The following MAP1S variants were observed in gnomAD, a reference collection of about 807,000 sequenced individuals.
The protein encoded by MAP1S is microtubule-associated protein 1S.
Under a neutral mutation model 60.9 loss-of-function variants are expected in MAP1S, and 27 were observed. The ratio of observed to expected loss-of-function variants is 0.44; its 90% CI spans 0.33 to 0.61. The LOEUF (loss-of-function observed/expected upper bound fraction) is 0.61. Among genes scored for constraint, MAP1S ranks in the 20% least tolerant of loss-of-function variants. MAP1S has a pLI of 0.03. For synonymous variants in MAP1S, 826 were observed against 694.2 expected (o/e 1.19, Z -2.98); for missense variants, 1,608 against 1,486.6 (o/e 1.08, Z -1.34).
At position 17,728,203 on chromosome 19, in the gene MAP1S, G is replaced by T. The variant is rs772705730; in HGVS notation, c.2788+31G>T. On this transcript the variant is annotated intron_variant, in intron 5 of 6. Coordinates refer to ENST00000324096, the MANE Select transcript of MAP1S (RefSeq NM_018174.6). ...TACTGGAGCTGGGGCCCTGGGCTGG[G>T]TTAGCAGCTGCTTAGGCTGGAGAGC... 2.0e-6 allele frequency: 3 copies of T among 1,532,942 alleles called. No individual in the cohort carries two copies. In the African/African-American group the frequency reaches 4.2e-5, roughly 21 times the overall value. 95.0% of individuals were successfully genotyped at this position (1,532,942 alleles called of 1,614,324 possible). A position where few individuals can be genotyped will look rare whatever the true frequency, so the allele number is the denominator to read the frequency against.
At position 17,727,589 on chromosome 19, in the gene MAP1S, G is replaced by A; in HGVS notation, c.2205G>A (p.Val735=). Residue 735 remains valine, a synonymous_variant, in exon 5 of 7, where the codon GTG becomes GTA. Transcript: ENST00000324096. This position sits in a 1 kb window ranked among gnomAD's most constrained non-coding sequence, Gnocchi z 4.1. ...GGCGCTCGGCTTCCCCACACGATGTGGACCTGTGCCTGGTGTCACCCTGTG... is the reference window on the plus strand; with the variant it reads ...GGCGCTCGGCTTCCCCACACGATGTAGACCTGTGCCTGGTGTCACCCTGTG... ...RARRSASPHD[V]DLCLVSPCEF... The A allele has an allele frequency of 6.2e-7, 1 of 1,607,384 alleles. No individual in the cohort carries two copies.
In MAP1S at chr19:17,733,366, G is replaced by A; in HGVS notation, c.2962G>A (p.Gly988Ser). 3 of 1,611,662 alleles carry A rather than the reference G, an allele frequency of 1.9e-6. No individual in the cohort carries two copies. The highest frequency in any genetic ancestry group is 1.7e-6 in the Non-Finnish European group (2 of 1,179,428). Reference protein sequence around the residue: ...ISGQDQRKEEGMRAVLDALLA... With the variant: ...ISGQDQRKEESMRAVLDALLA... ...TGGCCAGGACCAGCGCAAGGAGGAA[G>A]GCATGCGGGCCGTCCTGGACGCGCT... Residue 988 changes from glycine (G) to serine (S), a missense_variant, in exon 6 of 7, where the codon GGC becomes AGC. Gly to Ser is a moderately conservative substitution (Grantham distance 56). Around this residue, in one of 4 missense-constraint regions of MAP1S, gnomAD observed 76 missense variants for 110.1 expected, o/e 0.69. Transcript: ENST00000324096.
chr19:17,731,969 C>T (rs1341031460), intron 5 of MAP1S, among the ~76,000 whole-genome samples: 4 of 152,228 alleles, frequency 2.6e-5, no homozygotes, highest in Non-Finnish European at 5.9e-5. Context: ...ACCCCCAGGC[C>T]TGATTTTTTA....
intron 5 of MAP1S, chr19:17,732,887 G>A (rs938228991): frequency 5.2e-6 from 2 of 388,194 alleles, no homozygotes; most frequent in Non-Finnish European, 9.2e-6. Context: ...TTTGTAGAGT[G>A]AGTGAAGAGT....
chr19:17,720,808 G>A (rs2080363727), intron 1 of MAP1S, 128 bp from the exon 2 acceptor site: 1 of 762,152 alleles, frequency 1.3e-6, no homozygotes, highest in Non-Finnish European at 2.3e-6. Context: ...GGGTACTTCT[G>A]AGTCTCCAAG....
Position 17,726,679 on chromosome 19 carries a change from TC to T in MAP1S, c.1299del (p.Gly434ValfsTer18). Reference sequence around the variant, plus strand: ...GGCGAGAAGGTGGTGCGCGTGCTGTTCCCCGGTTGCACCCCGCCCGCCTGCC... The same window carrying T: ...GGCGAGAAGGTGGTGCGCGTGCTGTTCCCGGTTGCACCCCGCCCGCCTGCC... The part of the protein sequence containing the change: ...GPGEKVVRVL[F>X]PGCTPPACLL... On this transcript the variant is annotated frameshift_variant, in exon 5 of 7. Transcript: ENST00000324096. LOFTEE classifies it high-confidence loss of function. The T allele has an allele frequency of 6.3e-7, 1 of 1,583,506 alleles. No individual in the cohort carries two copies. Among genetic ancestry groups the T allele is most frequent in the Non-Finnish European group, 8.6e-7 (1 of 1,168,988 alleles).
chr19:17,734,267 C>T lies in MAP1S; in HGVS notation c.3025-6C>T. On this transcript the variant is annotated splice_polypyrimidine_tract_variant and splice_region_variant and intron_variant, in intron 6 of 6. Coordinates refer to ENST00000324096, the MANE Select transcript of MAP1S (RefSeq NM_018174.6). ...CTCTCCCCACACACCCCCCCTCCAC[C>T]TGCAGGTGACCCTGATCCCCACTTT... 2 of 1,609,736 alleles carry T rather than the reference C, an allele frequency of 1.2e-6. No individual in the cohort carries two copies. Among genetic ancestry groups the T allele is most frequent in the Non-Finnish European group, 1.7e-6 (2 of 1,176,826 alleles).
At position 17,727,139 on chromosome 19, in the gene MAP1S, C is replaced by T. The variant is rs995019992; in HGVS notation, c.1755C>T (p.Ser585=). ...PVANGPRSPP[S]LRCGEASPPS... ...CAAATGGACCCCGCAGCCCGCCCAGCCTCCGATGTGGAGAAGCCAGCCCCC... is the reference window on the plus strand; with the variant it reads ...CAAATGGACCCCGCAGCCCGCCCAGTCTCCGATGTGGAGAAGCCAGCCCCC... The change falls in exon 5 of 7, where the codon AGC becomes AGT. Residue 585 remains serine (S), a synonymous_variant. Transcript: ENST00000324096. The surrounding 1 kb of genome is among the most constrained non-coding windows in gnomAD (Gnocchi z 4.1). 5 of 1,591,786 alleles carry T rather than the reference C, an allele frequency of 3.1e-6. No homozygotes were observed. The highest frequency in any genetic ancestry group is 2.6e-6 in the Non-Finnish European group (3 of 1,172,196).
At position 17,727,332 on chromosome 19, in the gene MAP1S, G is replaced by A. The variant is rs2145976586; in HGVS notation, c.1948G>A (p.Gly650Ser). 1 of 1,589,532 alleles carries A rather than the reference G, an allele frequency of 6.3e-7. No homozygotes were observed. The highest frequency in any genetic ancestry group is 1.3e-5 in the African/African-American group (1 of 74,556). The change falls in exon 5 of 7, where the codon GGC becomes AGC. Residue 650 changes from glycine (G) to serine (S), a missense_variant. Transcript: ENST00000324096. The surrounding 1 kb of genome is among the most constrained non-coding windows in gnomAD (Gnocchi z 4.1). The part of the protein sequence containing the change: ...SPESHRSPAE[G>S]SERLSLSPLR... ...TGAGTCCCACCGGAGCCCCGCAGAG[G>A]GCAGCGAGCGGCTGTCGCTGAGCCC...
intron 2 of MAP1S, among the ~76,000 whole-genome samples, chr19:17,721,905 A>G (rs1475376061): frequency 6.6e-6 from 1 of 152,166 alleles, no homozygotes; most frequent in East Asian, 1.9e-4. Context: ...GCAGGCGGGC[A>G]GGCAGGGCTT....
In MAP1S at chr19:17,725,875, T is replaced by C; in HGVS notation, c.491T>C (p.Ile164Thr). 1.9e-6 allele frequency: 3 copies of C among 1,613,602 alleles called. No individual in the cohort carries two copies. Among genetic ancestry groups the C allele is most frequent in the Non-Finnish European group, 2.5e-6 (3 of 1,179,980 alleles). The part of the protein sequence containing the change: ...ATTPPPVQPP[I>T]LTITCPTFGD... Reference sequence around the variant, plus strand: ...ACGCCCCCACCTGTGCAGCCGCCCATACTCACCATCACCTGCCCCACCTTC... The same window carrying C: ...ACGCCCCCACCTGTGCAGCCGCCCACACTCACCATCACCTGCCCCACCTTC... The change falls in exon 5 of 7, where the codon ATA (isoleucine) becomes ACA (threonine). Residue 164 changes from isoleucine (I) to threonine (T), a missense_variant. Around this residue, in one of 4 missense-constraint regions of MAP1S, gnomAD observed 320 missense variants for 393.1 expected, o/e 0.81. Transcript: ENST00000324096. The surrounding 1 kb of genome is among the most constrained non-coding windows in gnomAD (Gnocchi z 4.2).
Position 17,725,211 on chromosome 19 carries a change from C to T in MAP1S, c.444+22C>T, listed in dbSNP as rs368401692. 6 of 1,590,896 alleles carry T rather than the reference C, an allele frequency of 3.8e-6. No individual in the cohort carries two copies. The highest frequency in any genetic ancestry group is 5.1e-6 in the Non-Finnish European group (6 of 1,168,664). On this transcript the variant is annotated intron_variant, in intron 4 of 6. Coordinates refer to ENST00000324096, the MANE Select transcript of MAP1S (RefSeq NM_018174.6). This position sits in a 1 kb window ranked among gnomAD's most constrained non-coding sequence, Gnocchi z 4.2. The stretch of plus-strand genomic sequence containing the variant: ...AGAGGTAAGCCACCCCTTTGCCATC[C>T]CCTGCTTCCCCAGCTCTGAATCCTG...
rs1568292159 is a variant in MAP1S, at chr19:17,726,420, T to G, written c.1036T>G (p.Ser346Ala). ...VVFFNACEAA[S>A]RLARGEDEAE... ...GTTCTTCAACGCCTGCGAGGCCGCG[T>G]CGCGGCTGGCGCGCGGCGAGGATGA... is the stretch of plus-strand genomic sequence containing the variant. Residue 346 changes from serine to alanine, a missense_variant, in exon 5 of 7, where the codon TCG (serine) becomes GCG (alanine). Around this residue, in one of 4 missense-constraint regions of MAP1S, gnomAD observed 1,167 missense variants for 961.4 expected, o/e 1.21. Coordinates refer to ENST00000324096, the MANE Select transcript of MAP1S (RefSeq NM_018174.6). The G allele has an allele frequency of 6.4e-7, 1 of 1,570,246 alleles. No individual in the cohort carries two copies.
intron 5 of MAP1S, among the ~76,000 whole-genome samples, chr19:17,732,828 C>G (rs2080503412): frequency 6.6e-6 from 1 of 152,166 alleles, no homozygotes; most frequent in South Asian, 2.1e-4. Context: ...TGTCCAGGGA[C>G]TGGCTGGGGA....
Position 17,727,229 on chromosome 19 carries a change from G to A in MAP1S, c.1845G>A (p.Pro615=). Residue 615 remains proline, a synonymous_variant, in exon 5 of 7, where the codon CCG becomes CCA. Coordinates refer to ENST00000324096, the MANE Select transcript of MAP1S (RefSeq NM_018174.6). This position sits in a 1 kb window ranked among gnomAD's most constrained non-coding sequence, Gnocchi z 4.1. ...CCACGCCCAGCCTGGAGCTGGGGCC[G>A]ATCCCAGCCGGGGAGGAGAAGGCAC... ...LVATPSLELG[P]IPAGEEKALE... The A allele has an allele frequency of 6.4e-7, 1 of 1,566,014 alleles. No individual in the cohort carries two copies. The highest frequency in any genetic ancestry group is 8.6e-7 in the Non-Finnish European group (1 of 1,160,784).
rs1173331214 is a variant in MAP1S, at chr19:17,719,521, T to A, written c.19T>A (p.Ser7Thr). 17 of 1,245,152 alleles carry A rather than the reference T, an allele frequency of 1.4e-5. No individual in the cohort carries two copies. Among genetic ancestry groups the A allele is most frequent in the Admixed American group, 4.2e-5 (1 of 23,620 alleles). The allele number at this position is 1,245,152 out of a possible 1,614,324, so 77.1% of individuals were successfully genotyped here. Residue 7 changes from serine to threonine, a missense_variant, in exon 1 of 7, where the codon TCT becomes ACT. Physicochemically the swap from Ser to Thr is moderately conservative, Grantham distance 58 (BLOSUM62 1). Around this residue, in one of 4 missense-constraint regions of MAP1S, gnomAD observed 45 missense variants for 22.0 expected, o/e 2.04. Coordinates refer to ENST00000324096, the MANE Select transcript of MAP1S (RefSeq NM_018174.6). Reference protein sequence around the residue: MAAVAGSGAAAAPSSLL... With the variant: MAAVAGTGAAAAPSSLL... ...CCCGAAGATGGCGGCGGTGGCTGGA[T>A]CTGGGGCTGCCGCGGCTCCGAGCTC...
Position 17,727,628 on chromosome 19 carries a change from CA to C in MAP1S, c.2246del (p.Lys749ArgfsTer261). ...LVSPCEFEHRKAVPMAPAPAS... is the reference protein window; with the variant it reads ...LVSPCEFEHRXAVPMAPAPAS... ...TGTCACCCTGTGAATTTGAGCATCGCAAGGCGGTGCCAATGGCACCGGCACC... is the reference window on the plus strand; with the variant it reads ...TGTCACCCTGTGAATTTGAGCATCGCAGGCGGTGCCAATGGCACCGGCACC... On this transcript the variant is annotated frameshift_variant, in exon 5 of 7. Coordinates refer to ENST00000324096, the MANE Select transcript of MAP1S (RefSeq NM_018174.6). LOFTEE classifies it high-confidence loss of function. The surrounding 1 kb of genome is among the most constrained non-coding windows in gnomAD (Gnocchi z 4.1). 6.2e-7 allele frequency: 1 copy of C among 1,608,010 alleles called. No individual in the cohort carries two copies. Among genetic ancestry groups the C allele is most frequent in the Non-Finnish European group, 8.5e-7 (1 of 1,179,750 alleles).
Position 17,727,368 on chromosome 19 carries a change from G to C in MAP1S, c.1984G>C (p.Gly662Arg). 4.4e-6 allele frequency: 7 copies of C among 1,588,208 alleles called. No homozygotes were observed. The highest frequency in any genetic ancestry group is 6.0e-6 in the Non-Finnish European group (7 of 1,169,680). The change falls in exon 5 of 7, where the codon GGG becomes CGG. Residue 662 changes from glycine (G) to arginine (R), a missense_variant. By Grantham distance (125) the Gly-to-Arg change is moderately radical. Coordinates refer to ENST00000324096, the MANE Select transcript of MAP1S (RefSeq NM_018174.6). This position sits in a 1 kb window ranked among gnomAD's most constrained non-coding sequence, Gnocchi z 4.1. ...GCTGTCGCTGAGCCCACTGCGGGGC[G>C]GGGAGGCCGGGCCAGACGCCTCACC... is the stretch of plus-strand genomic sequence containing the variant. ...ERLSLSPLRG[G>R]EAGPDASPTV...
In MAP1S at chr19:17,726,447, G is replaced by A; in HGVS notation, c.1063G>A (p.Ala355Thr). 1 of 1,554,472 alleles carries A rather than the reference G, an allele frequency of 6.4e-7. No individual in the cohort carries two copies. Among genetic ancestry groups the A allele is most frequent in the Non-Finnish European group, 8.6e-7 (1 of 1,156,490 alleles). ...ASRLARGEDEAELALSLLAQL... is the reference protein window; with the variant it reads ...ASRLARGEDETELALSLLAQL... ...GCGGCTGGCGCGCGGCGAGGATGAG[G>A]CGGAGCTGGCGCTGAGCCTCCTGGC... The change falls in exon 5 of 7, where the codon GCG (alanine) becomes ACG (threonine). Residue 355 changes from alanine (A) to threonine (T), a missense_variant. This residue lies in a region of MAP1S where 1,167 missense variants were observed against 961.4 expected (regional missense o/e 1.21). Coordinates refer to ENST00000324096, the MANE Select transcript of MAP1S (RefSeq NM_018174.6).
Sources: allele counts gnomAD v4.1 joint callset (sites outside exome capture counted in the v4.1 genomes callset), GRCh38; gene constraint gnomAD v4.1.1; regional missense constraint gnomAD v4.1.1; non-coding constraint Gnocchi (gnomAD v3.1); transcripts MANE v1.5; gene names NCBI Gene and HGNC (gene_info 2026-07-23, HGNC 2026-07-21).